Variants in LITAF observed in about 807,000 individuals in gnomAD.
The protein encoded by LITAF is lipopolysaccharide induced TNF factor, also known as lipopolysaccharide-induced tumor necrosis factor-alpha factor.
LITAF carries 9 observed loss-of-function variants against 14.5 expected under a neutral mutation model. The observed-to-expected ratio is 0.62, with a 90% CI of 0.37 to 1.08. LITAF has a LOEUF of 1.08. Among genes scored for constraint, LITAF ranks in the 50% least tolerant of loss-of-function variants. The probability of loss-of-function intolerance (pLI) is 0.01; values close to 1 mark genes in which losing one functional copy is unlikely to be tolerated. For missense variants in LITAF, 206 were observed against 213.4 expected, an observed-to-expected ratio of 0.97 and a Z score of 0.22; for synonymous variants, 98 against 88.2, an observed-to-expected ratio of 1.11 and a Z score of -0.62.
intron 1 of LITAF, among the ~76,000 whole-genome samples, chr16:11,596,469 AAGAGAGAAGTAAGG>A (rs1371748989): frequency 1.1e-4 from 11 of 100,194 alleles, no homozygotes; most frequent in East Asian, 3.2e-4. Context: ...GAGGAGGAGG[AAGAGAGAAGTAAGG>A]GGAGGAGGGG....
chr16:11,553,684 C>G lies in LITAF; in HGVS notation c.226G>C (p.Val76Leu). 1 of 1,613,984 alleles carries G rather than the reference C, an allele frequency of 6.2e-7. No individual in the cohort carries two copies. The highest frequency in any genetic ancestry group is 8.5e-7 in the Non-Finnish European group (1 of 1,179,974). ...GGGTGCTGCACGTAGACCGTCTGCA[C>G]GGTAACTGATGAAAGGGAGAGGGAC... ...APIPNNNPIT[V>L]QTVYVQHPIT... Residue 76 changes from valine to leucine, a missense_variant, in exon 3 of 4, where the codon GTG becomes CTG. Val to Leu is a conservative substitution (Grantham distance 32). Transcript: ENST00000622633. This position sits in a 1 kb window ranked among gnomAD's most constrained non-coding sequence, Gnocchi z 7.7.
intron 3 of LITAF, among the ~76,000 whole-genome samples, chr16:11,622,616 T>C (rs924808970): frequency 1.3e-5 from 2 of 152,232 alleles, no homozygotes; most frequent in Non-Finnish European, 2.9e-5. Flanking sequence ...TTGCACCGTT[T>C]AACAGGGTTA....
rs2064225016 is a variant in LITAF, at chr16:11,553,925, G to C, written c.221-236C>G. Reference sequence around the variant, plus strand: ...GAAGTTTATCCATCCACCAGAATATGATTCAGCCTCAAAAAGAAAGGAGGA... The same window carrying C: ...GAAGTTTATCCATCCACCAGAATATCATTCAGCCTCAAAAAGAAAGGAGGA... On this transcript the variant is annotated intron_variant, in intron 2 of 3. Transcript: ENST00000622633. The surrounding 1 kb of genome is among the most constrained non-coding windows in gnomAD (Gnocchi z 7.7). Among the ~76,000 whole-genome samples the C allele has an allele frequency of 6.6e-6, 1 of 152,140 alleles. No individual in the cohort carries two copies. Among genetic ancestry groups the C allele is most frequent in the African/African-American group, 2.4e-5 (1 of 41,434 alleles).
intron 3 of LITAF, among the ~76,000 whole-genome samples, chr16:11,622,828 AG>A (rs1423789094): frequency 6.6e-6 from 1 of 152,112 alleles, no homozygotes; most frequent in Non-Finnish European, 1.5e-5. Context: ...CATTCACTGA[AG>A]GGAAAGAAAT....
chr16:11,561,698 A>G (rs1279672816), intron 1 of LITAF: 1 of 152,042 alleles, frequency 6.6e-6, no homozygotes, highest in African/African-American at 2.4e-5. Flanking sequence ...AAATGCCACC[A>G]CGGTTAGTCC....
intron 1 of LITAF, among the ~76,000 whole-genome samples, chr16:11,583,301 T>C (rs1470571444): frequency 6.6e-6 from 1 of 152,196 alleles, no homozygotes. Flanking sequence ...TCACAGTGAT[T>C]TGTGGAATGG....
chr16:11,551,663 AC>A lies in LITAF; in HGVS notation c.377+1869del, dbSNP rs201780637. On this transcript the variant is annotated intron_variant, in intron 3 of 3. Coordinates refer to ENST00000622633, the MANE Select transcript of LITAF (RefSeq NM_001136472.2). ...TAGTAAAACCCCTGCTTCCACACAC[AC>A]AAAAAAAAAATTTAAAAATTAGCTA... is the stretch of plus-strand genomic sequence containing the variant. 7,272 of 510,484 alleles carry A rather than the reference AC, an allele frequency of 0.014. 49 individuals carry two copies. Among genetic ancestry groups the A allele is most frequent in the African/African-American group, 0.057 (2,364 of 41,696 alleles). 31.6% of individuals were successfully genotyped at this position (510,484 alleles called of 1,614,324 possible). A position where few individuals can be genotyped will look rare whatever the true frequency, so the allele number is the denominator to read the frequency against.
chr16:11,631,455 G>A (rs1217344338), intron 3 of LITAF, among the ~76,000 whole-genome samples: 1 of 152,152 alleles, frequency 6.6e-6, no homozygotes, highest in Non-Finnish European at 1.5e-5. Context: ...GAGTGCAGTG[G>A]CGTGAACATA....
intron 1 of LITAF, among the ~76,000 whole-genome samples, chr16:11,574,363 G>A (rs1445890835): frequency 6.6e-6 from 1 of 152,022 alleles, no homozygotes; most frequent in Non-Finnish European, 1.5e-5. Context: ...TATATAATAT[G>A]CAAAAAATGT....
rs1302303519 is a variant in LITAF at position 11,549,718 on chromosome 16, G to A, written c.405C>T (p.Pro135=). ...LGCIAGCCFI[P]FCVDALQDVD... is the part of the protein sequence containing the mutation. ...CGTCCTGCAGGGCATCCACGCAGAA[G>A]GGGATGAAGCAGCAGCCCGCTATGC... The change falls in exon 4 of 4, where the codon CCC becomes CCT. Residue 135 remains proline, a synonymous_variant. Transcript: ENST00000622633. This position sits in a 1 kb window ranked among gnomAD's most constrained non-coding sequence, Gnocchi z 4.6. The A allele has an allele frequency of 2.5e-6, 4 of 1,613,714 alleles. No homozygotes were observed. In the South Asian group the frequency reaches 3.3e-5, roughly 13 times the overall value.
upstream of LITAF, among the ~76,000 whole-genome samples, chr16:11,591,697 G>A (rs1385593761): frequency 6.6e-6 from 1 of 152,122 alleles, no homozygotes; most frequent in Non-Finnish European, 1.5e-5. Context: ...TTGGAGCGCA[G>A]TGGCGTGATC....
chr16:11,548,841 A>G lies in LITAF; in HGVS notation c.*796T>C, dbSNP rs1198. 65,674 of 453,402 alleles carry G rather than the reference A, an allele frequency of 0.14. 5,495 individuals are homozygous for G. Among genetic ancestry groups the G allele is most frequent in the African/African-American group, 0.29 (14,327 of 49,890 alleles). 28.1% of individuals were successfully genotyped at this position (453,402 alleles called of 1,614,324 possible). A position where few individuals can be genotyped will look rare whatever the true frequency, so the allele number is the denominator to read the frequency against. ...TTTTTAAAAAAAAGAAATTCTGTTCAAAAGTATTTCAGACCAAAAGGAGGT... is the reference window on the plus strand; with the variant it reads ...TTTTTAAAAAAAAGAAATTCTGTTCGAAAGTATTTCAGACCAAAAGGAGGT... On this transcript the variant is annotated 3_prime_UTR_variant, in exon 4 of 4. Coordinates refer to ENST00000622633, the MANE Select transcript of LITAF (RefSeq NM_001136472.2).
chr16:11,553,014 C>T lies in LITAF; in HGVS notation c.377+519G>A, dbSNP rs1463240972. ...CCTGTAATCCCAGCTACTCAGGAGGCTGAGGCAGGAGAATAGCTTGAACCT... is the reference window on the plus strand; with the variant it reads ...CCTGTAATCCCAGCTACTCAGGAGGTTGAGGCAGGAGAATAGCTTGAACCT... On this transcript the variant is annotated intron_variant, in intron 3 of 3. Transcript: ENST00000622633. The surrounding 1 kb of genome is among the most constrained non-coding windows in gnomAD (Gnocchi z 7.7). Among the ~76,000 whole-genome samples, 1 of 152,092 alleles carries T rather than the reference C, an allele frequency of 6.6e-6. No homozygotes were observed. Among genetic ancestry groups the T allele is most frequent in the African/African-American group, 2.4e-5 (1 of 41,408 alleles).
chr16:11,616,467 G>C (rs1187004824), intron 3 of LITAF, among the ~76,000 whole-genome samples: 4 of 149,896 alleles, frequency 2.7e-5, no homozygotes, highest in Non-Finnish European at 5.9e-5. Context: ...GACAGGGTGA[G>C]ACCCTGTCTC....
At position 11,549,769 on chromosome 16, in the gene LITAF, G is replaced by A. The variant is rs767708904; in HGVS notation, c.378-24C>T. ...ACCTGGGAGGAGAGAGAGACACACG[G>A]AGCGCGTTACTGATCACAACAGGGT... On this transcript the variant is annotated intron_variant, in intron 3 of 3. Transcript: ENST00000622633. The surrounding 1 kb of genome is among the most constrained non-coding windows in gnomAD (Gnocchi z 4.6). 2.8e-5 allele frequency: 44 copies of A among 1,581,446 alleles called. No individual in the cohort carries two copies. The highest frequency in any genetic ancestry group is 3.8e-5 in the Non-Finnish European group (44 of 1,155,344).
At chr16:11,594,594 G>T (rs1416786818) in intron 1 of LITAF, among the ~76,000 whole-genome samples, 2 of 152,166 alleles carry the variant, frequency 1.3e-5, no homozygotes, top group African/African-American at 4.8e-5. Flanking sequence ...ATGCTATAGA[G>T]GCTGGGCGTG....
intron 3 of LITAF, among the ~76,000 whole-genome samples, chr16:11,550,611 CT>C (rs574252891): frequency 1.3e-5 from 2 of 152,124 alleles, no homozygotes; most frequent in Non-Finnish European, 1.5e-5. Context: ...GCTTGGTGAA[CT>C]TTTTTTGCAA....
At chr16:11,557,461 G>A (rs556237652) in intron 1 of LITAF, among the ~76,000 whole-genome samples, 2 of 152,034 alleles carry the variant, frequency 1.3e-5, no homozygotes, top group Admixed American at 6.6e-5. Context: ...TTTTTGTTTT[G>A]TTTTATTTTT....
rs901897931 is a variant in LITAF, at chr16:11,634,336, G to C, written c.-20-699C>G. On this transcript the variant is annotated intron_variant, in intron 2 of 3. Coordinates refer to the LITAF transcript ENST00000574848. This position sits in a 1 kb window ranked among gnomAD's most constrained non-coding sequence, Gnocchi z 4.1. ...GTGATACTTTTGTTTTTAGTGTACA[G>C]TTTAATGATAATGATTCCCTTCCCC... Among the ~76,000 whole-genome samples, 2 of 152,162 alleles carry C rather than the reference G, an allele frequency of 1.3e-5. No individual in the cohort carries two copies. Among genetic ancestry groups the C allele is most frequent in the Admixed American group, 6.6e-5 (1 of 15,254 alleles).
Sources: allele counts gnomAD v4.1 joint callset (sites outside exome capture counted in the v4.1 genomes callset), GRCh38; gene constraint gnomAD v4.1.1; non-coding constraint Gnocchi (gnomAD v3.1); transcripts MANE v1.5; gene names NCBI Gene and HGNC (gene_info 2026-07-23, HGNC 2026-07-21).